VSIG10L2: variants seen among roughly 807,000 people sequenced by gnomAD.
VSIG10L2 encodes the protein V-set and immunoglobulin domain-containing protein 10-like 2.
Under a neutral mutation model 67.1 loss-of-function variants are expected in VSIG10L2, and 56 were observed. The observed-to-expected ratio is 0.83, with a 90% CI of 0.67 to 1.04. The LOEUF is 1.04. Ranked by LOEUF, VSIG10L2 falls within the 50% of genes least tolerant of loss-of-function variation. The pLI is 0.00. For synonymous variants in VSIG10L2, 360 were observed against 396.6 expected, an observed-to-expected ratio of 0.91 and a Z score of 1.10; for missense variants, 843 against 932.8, an observed-to-expected ratio of 0.90 and a Z score of 1.25.
chr11:125,947,744 G>A lies in VSIG10L2; in HGVS notation c.141G>A (p.Val47=), dbSNP rs932143741. The change falls in exon 2 of 12, where the codon GTG becomes GTA. Residue 47 remains valine, a synonymous_variant. Coordinates refer to ENST00000686984, the MANE Select transcript of VSIG10L2 (RefSeq NM_001365077.2). The part of the protein sequence containing the change: ...PVEEVVSVQG[V]RGGSVELACG... ...AGGAGGTGGTGTCTGTCCAGGGAGTGCGAGGTGGCTCCGTGGAGCTGGCCT... is the reference window on the plus strand; with the variant it reads ...AGGAGGTGGTGTCTGTCCAGGGAGTACGAGGTGGCTCCGTGGAGCTGGCCT... The A allele has an allele frequency of 8.1e-7, 1 of 1,232,290 alleles. No homozygotes were observed. The highest frequency in any genetic ancestry group is 1.6e-5 in the African/African-American group (1 of 64,418). 76.3% of individuals were successfully genotyped at this position (1,232,290 alleles called of 1,614,324 possible). A position where few individuals can be genotyped will look rare whatever the true frequency, so the allele number is the denominator to read the frequency against.
At chr11:125,953,803 C>G (rs1344375551) in intron 7 of VSIG10L2, 113 bp downstream of exon 7, 1 of 1,032,464 alleles carries the variant, frequency 9.7e-7, no homozygotes, top group African/African-American at 1.7e-5. Context: ...AATTTGGACG[C>G]TTGAGCTTCC....
chr11:125,949,875 A>G, intron 3 of VSIG10L2, 139 bp from the exon 4 acceptor site: 1 of 909,014 alleles, frequency 1.1e-6, no homozygotes, highest in Non-Finnish European at 1.4e-6. Flanking sequence ...CTGAGCTCTA[A>G]GAGGGCCTAG....
chr11:125,947,503 C>T (rs940885072), intron 1 of VSIG10L2, 183 bp from the exon 2 acceptor site: 4 of 985,296 alleles, frequency 4.1e-6, no homozygotes, highest in Non-Finnish European at 4.8e-6. Flanking sequence ...ACAGGAAACC[C>T]AGAGGCTCCC....
rs1440923965 is a variant in VSIG10L2, at chr11:125,946,931, A to T, written c.83-755A>T. On this transcript the variant is annotated intron_variant, in intron 1 of 11. Coordinates refer to ENST00000686984, the MANE Select transcript of VSIG10L2 (RefSeq NM_001365077.2). This position sits in a 1 kb window ranked among gnomAD's most constrained non-coding sequence, Gnocchi z 4.4. ...CACATGTGAGGGGACAGCGGGGAAC[A>T]TGGTACTTGGGCTTAGGCTGGGGTT... Among the ~76,000 whole-genome samples, 2 of 152,150 alleles carry T rather than the reference A, an allele frequency of 1.3e-5. No individual in the cohort carries two copies. Among genetic ancestry groups the T allele is most frequent in the Non-Finnish European group, 2.9e-5 (2 of 68,016 alleles).
rs116661301 is a variant in VSIG10L2, at chr11:125,955,807, C to T, written c.2285-10C>T. ...TCCCTCTGTTCTTTGCCCACATATGCTCTTCATAGGCCTTGAAACACCAAC... is the reference window on the plus strand; with the variant it reads ...TCCCTCTGTTCTTTGCCCACATATGTTCTTCATAGGCCTTGAAACACCAAC... On this transcript the variant is annotated splice_polypyrimidine_tract_variant and intron_variant, in intron 11 of 11. Transcript: ENST00000686984. The T allele has an allele frequency of 8.8e-3, 7,040 of 799,102 alleles. 352 individuals carry two copies. The African/African-American group carries it at 0.11, about 12-fold the overall frequency. 49.5% of individuals were successfully genotyped at this position (799,102 alleles called of 1,614,324 possible).
Position 125,950,997 on chromosome 11 carries a change from C to A in VSIG10L2, c.1073C>A (p.Pro358His), listed in dbSNP as rs1425704757. The A allele has an allele frequency of 1.6e-6, 2 of 1,232,292 alleles. No homozygotes were observed. Among genetic ancestry groups the A allele is most frequent in the Non-Finnish European group, 1.0e-6 (1 of 988,200 alleles). The allele number at this position is 1,232,292 out of a possible 1,614,324, so 76.3% of individuals were successfully genotyped here. A position where few individuals can be genotyped will look rare whatever the true frequency, so the allele number is the denominator to read the frequency against. Residue 358 changes from proline to histidine, a missense_variant, in exon 5 of 12, where the codon CCT (proline) becomes CAT (histidine). Transcript: ENST00000686984. ...TGTGCCTGGCCTGGGGGGCTTCCGC[C>A]TGCCCAACTGCAGTGGGAAGGGCCT... Reference protein sequence around the residue: ...LLCAWPGGLPPAQLQWEGPQG... With the variant: ...LLCAWPGGLPHAQLQWEGPQG...
chr11:125,946,596 G>T lies in VSIG10L2; in HGVS notation c.82+459G>T, dbSNP rs1217645505. On this transcript the variant is annotated intron_variant, in intron 1 of 11. Transcript: ENST00000686984. This position sits in a 1 kb window ranked among gnomAD's most constrained non-coding sequence, Gnocchi z 4.4. ...GCTGTCACCCAGGCTGGAGTGCAGT[G>T]GTGTGATCTCGGCTCACTGCAACCT... Among the ~76,000 whole-genome samples, 5 of 151,290 alleles carry T rather than the reference G, an allele frequency of 3.3e-5. No homozygotes were observed. Among genetic ancestry groups the T allele is most frequent in the African/African-American group, 1.2e-4 (5 of 41,148 alleles).
rs1049217309 is a variant in VSIG10L2 at position 125,947,745 on chromosome 11, C to T, written c.142C>T (p.Arg48Ter). 81 of 1,232,392 alleles carry T rather than the reference C, an allele frequency of 6.6e-5. No homozygotes were observed. The highest frequency in any genetic ancestry group is 6.2e-4 in the Middle Eastern group (2 of 3,208). The allele number at this position is 1,232,392 out of a possible 1,614,324, so 76.3% of individuals were successfully genotyped here. The change falls in exon 2 of 12, where the codon CGA becomes TGA. Residue 48 changes from arginine (R) to a stop codon, truncating the protein, a stop_gained. Coordinates refer to ENST00000686984, the MANE Select transcript of VSIG10L2 (RefSeq NM_001365077.2). LOFTEE classifies it high-confidence loss of function. ...GGAGGTGGTGTCTGTCCAGGGAGTG[C>T]GAGGTGGCTCCGTGGAGCTGGCCTG... ...VEEVVSVQGV[R>*]GGSVELACGS...
intron 3 of VSIG10L2, 88 bp from the exon 4 acceptor site, chr11:125,949,926 A>AGGAT (rs1945343461): frequency 8.3e-7 from 1 of 1,199,964 alleles, no homozygotes; most frequent in Non-Finnish European, 1.0e-6. Flanking sequence ...ACATGCCCCT[A>AGGAT]GGATGGATGC....
intron 1 of VSIG10L2, chr11:125,947,361 G>T (rs1475944138): frequency 1.1e-6 from 1 of 933,162 alleles, no homozygotes; most frequent in Middle Eastern, 5.5e-4. Context: ...ACCACTGGGA[G>T]TGTCTGACTT....
chr11:125,947,572 C>G (rs890490547), intron 1 of VSIG10L2, 114 bp from the exon 2 acceptor site: 9 of 1,230,910 alleles, frequency 7.3e-6, no homozygotes, highest in South Asian at 4.2e-5. Context: ...CTTCCTGAAC[C>G]CTGCCTGGGC....
chr11:125,947,256 T>G (rs890436761), intron 1 of VSIG10L2, among the ~76,000 whole-genome samples: 1 of 152,022 alleles, frequency 6.6e-6, no homozygotes, highest in Non-Finnish European at 1.5e-5. Flanking sequence ...CAGATCTCCT[T>G]ATCTCCAGGG....
At position 125,946,614 on chromosome 11, in the gene VSIG10L2, T is replaced by C. The variant is rs1402073379; in HGVS notation, c.82+477T>C. The stretch of plus-strand genomic sequence containing the variant: ...GTGCAGTGGTGTGATCTCGGCTCAC[T>C]GCAACCTCTGCCTCCTGGGTTCAAG... On this transcript the variant is annotated intron_variant, in intron 1 of 11. Coordinates refer to ENST00000686984, the MANE Select transcript of VSIG10L2 (RefSeq NM_001365077.2). This position sits in a 1 kb window ranked among gnomAD's most constrained non-coding sequence, Gnocchi z 4.4. 6.7e-6 allele frequency among the ~76,000 whole-genome samples: 1 copy of C among 150,356 alleles called. No individual in the cohort carries two copies. The highest frequency in any genetic ancestry group is 2.4e-5 in the African/African-American group (1 of 40,910).
In VSIG10L2 at chr11:125,950,284, T is replaced by A. The variant is rs987324913; in HGVS notation, c.980T>A (p.Ile327Asn). 4.9e-6 allele frequency: 6 copies of A among 1,232,278 alleles called. No homozygotes were observed. Among genetic ancestry groups the A allele is most frequent in the Non-Finnish European group, 5.1e-6 (5 of 988,154 alleles). The allele number at this position is 1,232,278 out of a possible 1,614,324, so 76.3% of individuals were successfully genotyped here. ...TRTQTTVQLTIYYPPEGQPSC... is the reference protein window; with the variant it reads ...TRTQTTVQLTNYYPPEGQPSC... ...ACCCAGACTACTGTCCAGCTCACCA[T>A]CTACTGTGAGTGTGGGGGTCGGGTG... is the stretch of plus-strand genomic sequence containing the variant. The change falls in exon 4 of 12, where the codon ATC (isoleucine) becomes AAC (asparagine). Residue 327 changes from isoleucine (I) to asparagine (N), a missense_variant. Around this residue, in one of 2 missense-constraint regions of VSIG10L2, gnomAD observed 446 missense variants for 548.4 expected, o/e 0.81. Coordinates refer to ENST00000686984, the MANE Select transcript of VSIG10L2 (RefSeq NM_001365077.2).
At chr11:125,953,923 G>C (rs867933891) in intron 7 of VSIG10L2, among the ~76,000 whole-genome samples, 164 bp from the exon 8 acceptor site, 1 of 152,176 alleles carries the variant, frequency 6.6e-6, no homozygotes, top group African/African-American at 2.4e-5. Flanking sequence ...TTTTATAGAT[G>C]AAAAAAACTG....
intron 5 of VSIG10L2, 101 bp from the exon 6 acceptor site, chr11:125,951,712 G>A: frequency 8.3e-7 from 1 of 1,208,678 alleles, no homozygotes; most frequent in South Asian, 1.6e-5. Context: ...AGTAATGAAG[G>A]AAGGAGGGAG....
intron 4 of VSIG10L2, 125 bp downstream of exon 4, chr11:125,950,414 G>C (rs1945352257): frequency 1.9e-6 from 2 of 1,026,776 alleles, no homozygotes; most frequent in African/African-American, 3.3e-5. Flanking sequence ...AGCTGCTCTT[G>C]TTGGAGGGAG....
In VSIG10L2 at chr11:125,951,946, G is replaced by A. The variant is rs1294980091; in HGVS notation, c.1368G>A (p.Leu456=). 1 of 1,536,124 alleles carries A rather than the reference G, an allele frequency of 6.5e-7. No individual in the cohort carries two copies. The highest frequency in any genetic ancestry group is 8.7e-7 in the Non-Finnish European group (1 of 1,146,892). The change falls in exon 6 of 12, where the codon CTG becomes CTA. Residue 456 remains leucine, a synonymous_variant. Coordinates refer to ENST00000686984, the MANE Select transcript of VSIG10L2 (RefSeq NM_001365077.2). ...GGCTTGACGAACAGCAGCAGCCCCT[G>A]GGCGGCAGCAGCTCCTCGATGGCCG... ...LGWLDEQQQP[L]GGSSSSMAVH... is the part of the protein sequence containing the mutation.
chr11:125,949,279 G>A (rs1391230515), intron 3 of VSIG10L2, among the ~76,000 whole-genome samples: 2 of 132,618 alleles, frequency 1.5e-5, no homozygotes, highest in Non-Finnish European at 3.2e-5. Context: ...ATCGGGTTTG[G>A]TCATTTTTAC....
Sources: allele counts gnomAD v4.1 joint callset (sites outside exome capture counted in the v4.1 genomes callset), GRCh38; gene constraint gnomAD v4.1.1; regional missense constraint gnomAD v4.1.1; non-coding constraint Gnocchi (gnomAD v3.1); transcripts MANE v1.5; gene names NCBI Gene and HGNC (gene_info 2026-07-23, HGNC 2026-07-21).